ILDR1: variants seen among roughly 807,000 people sequenced by gnomAD.
ILDR1 encodes the protein immunoglobulin like domain containing receptor 1, also known as immunoglobulin-like domain-containing receptor 1.
In ILDR1, 56 loss-of-function variants were observed where a neutral mutation model predicts 62.4. That is an observed-to-expected ratio of 0.90 (90% CI 0.72 to 1.12). The LOEUF (loss-of-function observed/expected upper bound fraction) is 1.12. Ranked by LOEUF, ILDR1 falls within the 50% of genes most tolerant of loss-of-function variation. The probability of loss-of-function intolerance (pLI) is 0.00; values close to 1 mark genes in which losing one functional copy is unlikely to be tolerated. For synonymous variants in ILDR1, 284 were observed against 277.8 expected (o/e 1.02, Z -0.22); for missense variants, 736 against 710.6 (o/e 1.04, Z -0.41).
At chr3:122,047,835 C>T in the ILDR1 span, among the ~76,000 whole-genome samples, 1 of 152,248 alleles carries the variant, frequency 6.6e-6, no homozygotes, top group Non-Finnish European at 1.5e-5. Flanking sequence ...GTGAGATAAA[C>T]CCGGTACCTC....
At chr3:122,002,502 G>A (rs1399913579) in intron 3 of ILDR1, among the ~76,000 whole-genome samples, 1 of 152,204 alleles carries the variant, frequency 6.6e-6, no homozygotes, top group Non-Finnish European at 1.5e-5. Context: ...TAAAATGCCA[G>A]TATTTTAAAA....
At chr3:122,047,379 C>T in the ILDR1 span, among the ~76,000 whole-genome samples, 3 of 152,206 alleles carry the variant, frequency 2.0e-5, no homozygotes, top group East Asian at 1.9e-4. Context: ...TTTGTCTGTG[C>T]CCTGCCCCCA....
rs781300433 is a variant in ILDR1, at chr3:122,005,243, C to CGGTGCT, written c.379_379+1insAGCACC (p.Asn126_Arg127insGlnHis). On this transcript the variant is annotated inframe_insertion and splice_region_variant. Coordinates refer to ENST00000344209, the MANE Select transcript of ILDR1 (RefSeq NM_001199799.2). ...TCCCCTGACACCTCCCCCGCACTCACGGTTCTGGATGGTGATCTTGCGCTG... is the reference window on the plus strand; with the variant it reads ...TCCCCTGACACCTCCCCCGCACTCACGGTGCTGGTTCTGGATGGTGATCTTGCGCTG... 5.0e-6 allele frequency: 8 copies of CGGTGCT among 1,587,406 alleles called. No individual in the cohort carries two copies. In the African/African-American group the frequency reaches 9.4e-5, roughly 19 times the overall value.
the ILDR1 span, among the ~76,000 whole-genome samples, chr3:122,033,105 C>T: frequency 6.6e-6 from 1 of 152,348 alleles, no homozygotes; most frequent in East Asian, 1.9e-4. Flanking sequence ...TTTACCTACA[C>T]ATTTTCAGTG....
chr3:122,056,826 A>G, the ILDR1 span, among the ~76,000 whole-genome samples: 3 of 152,184 alleles, frequency 2.0e-5, no homozygotes, highest in Non-Finnish European at 2.9e-5. Flanking sequence ...AGAATTTCAA[A>G]ATTTATAATT....
the ILDR1 span, among the ~76,000 whole-genome samples, chr3:122,031,236 C>G: frequency 2.6e-5 from 4 of 152,100 alleles, no homozygotes; most frequent in Non-Finnish European, 5.9e-5. Context: ...ATTTGTAGCA[C>G]CAGGGAGTTA....
rs2071522438 is a variant in ILDR1, at chr3:122,001,389, A to G, written c.565T>C (p.Trp189Arg). 1 of 1,614,198 alleles carries G rather than the reference A, an allele frequency of 6.2e-7. No homozygotes were observed. The highest frequency in any genetic ancestry group is 8.5e-7 in the Non-Finnish European group (1 of 1,180,024). ...LLLLLLIGVC[W>R]CQCCPQYCCC... ...CAATACTGAGGACAGCACTGGCACC[A>G]GCACACTCCAATCAGCAGCAGGAGG... Residue 189 changes from tryptophan (W) to arginine (R), a missense_variant, in exon 5 of 8, where the codon TGG becomes CGG. By Grantham distance (101) the Trp-to-Arg change is moderately radical. Coordinates refer to ENST00000344209, the MANE Select transcript of ILDR1 (RefSeq NM_001199799.2).
rs763466435 is a variant in ILDR1, at chr3:121,988,382, C to T, written c.1626G>A (p.Arg542=). Residue 542 remains arginine, a synonymous_variant, in exon 8 of 8, where the codon AGG becomes AGA. Transcript: ENST00000344209. Reference sequence around the variant, plus strand: ...TGCTTGGTGACTAAATGACCACACTCCTTCCACTATGAGAGCTGTCTTTCT... The same window carrying T: ...TGCTTGGTGACTAAATGACCACACTTCTTCCACTATGAGAGCTGTCTTTCT... ...RSEKDSSHSG[R]SVVI 3.1e-6 allele frequency: 5 copies of T among 1,613,722 alleles called. No individual in the cohort carries two copies. The highest frequency in any genetic ancestry group is 1.3e-5 in the African/African-American group (1 of 74,916).
chr3:122,001,544 CAG>C, intron 4 of ILDR1, 90 bp from the exon 5 acceptor site: 1 of 1,524,508 alleles, frequency 6.6e-7, no homozygotes, highest in African/African-American at 1.4e-5. Context: ...CTCATAAACA[CAG>C]CTCTTGACCT....
chr3:121,991,533 A>G (rs911876510), intron 7 of ILDR1, among the ~76,000 whole-genome samples: 1 of 152,222 alleles, frequency 6.6e-6, no homozygotes, highest in African/African-American at 2.4e-5. Flanking sequence ...AATGAGGATA[A>G]TAGTACAAAA....
chr3:122,021,659 C>T (rs1227604381), intron 1 of ILDR1, among the ~76,000 whole-genome samples: 1 of 152,228 alleles, frequency 6.6e-6, no homozygotes, highest in Admixed American at 6.5e-5. Context: ...ATATGGTTGT[C>T]ACCATATCAG....
rs1361118658 is a variant in ILDR1 at position 122,001,428 on chromosome 3, G to C, written c.526C>G (p.Leu176Val). ...LHWLTVIFII[L>V]GALLLLLLIG... Reference sequence around the variant, plus strand: ...AGCAGCAGGAGGAGGAGGGCTCCCAGGATGATGAAGATCACTGTCAGCCAG... The same window carrying C: ...AGCAGCAGGAGGAGGAGGGCTCCCACGATGATGAAGATCACTGTCAGCCAG... Residue 176 changes from leucine (L) to valine (V), a missense_variant, in exon 5 of 8, where the codon CTG (leucine) becomes GTG (valine). Coordinates refer to ENST00000344209, the MANE Select transcript of ILDR1 (RefSeq NM_001199799.2). 6.8e-6 allele frequency: 11 copies of C among 1,613,970 alleles called. No homozygotes were observed. In the Admixed American group the frequency reaches 1.3e-4, roughly 20 times the overall value.
chr3:122,011,940 A>C (rs1191145283), intron 1 of ILDR1, among the ~76,000 whole-genome samples: 5 of 152,168 alleles, frequency 3.3e-5, no homozygotes, highest in Non-Finnish European at 1.5e-5. Flanking sequence ...TGTCAGCATC[A>C]GGATTTGAGC....
intron 5 of ILDR1, among the ~76,000 whole-genome samples, chr3:121,995,185 T>C (rs2071418228): frequency 6.6e-6 from 1 of 152,154 alleles, no homozygotes; most frequent in Admixed American, 6.5e-5. Context: ...GCTTTTCTAT[T>C]TTGGGGTAGT....
chr3:122,019,599 C>T (rs2071828751), intron 1 of ILDR1, among the ~76,000 whole-genome samples: 2 of 152,122 alleles, frequency 1.3e-5, no homozygotes, highest in African/African-American at 4.8e-5. Flanking sequence ...TGAGTGAAGA[C>T]CACACACACC....
chr3:122,048,290 G>T, the ILDR1 span, among the ~76,000 whole-genome samples: 6 of 152,142 alleles, frequency 3.9e-5, no homozygotes, highest in African/African-American at 1.4e-4. Flanking sequence ...AATCCCACTT[G>T]GTCATAGAGT....
chr3:122,055,646 G>A, the ILDR1 span: 1 of 737,352 alleles, frequency 1.4e-6, no homozygotes, highest in East Asian at 2.6e-5. Flanking sequence ...AAGATCTTTG[G>A]CACATAAAGG....
At position 122,013,346 on chromosome 3, in the gene ILDR1, C is replaced by G. The variant is rs140812112; in HGVS notation, c.59-6185G>C. On this transcript the variant is annotated intron_variant, in intron 1 of 7. Transcript: ENST00000344209. ...GACTAGATGGCACTTCCCCTCCTTT[C>G]CTATGAACAGGCCTGCTTGGAAGGG... Among the ~76,000 whole-genome samples the G allele has an allele frequency of 3.9e-3, 599 of 152,216 alleles. 5 individuals carry two copies. Among genetic ancestry groups the G allele is most frequent in the African/African-American group, 0.014 (568 of 41,520 alleles).
intron 1 of ILDR1, among the ~76,000 whole-genome samples, chr3:122,010,480 C>G (rs1330393072): frequency 6.6e-6 from 1 of 152,180 alleles, no homozygotes; most frequent in Non-Finnish European, 1.5e-5. Context: ...TCTCCGTAAG[C>G]TGTAGAGTCC....
Sources: gnomAD v4.1 joint callset for allele counts (sites outside exome capture counted in the v4.1 genomes callset) on GRCh38, gnomAD v4.1.1 for gene constraint, MANE v1.5 for transcripts, NCBI Gene and HGNC (gene_info 2026-07-23, HGNC 2026-07-21) for gene names.